The following LZTFL1 variants were observed in gnomAD, a reference collection of about 807,000 sequenced individuals.
LZTFL1 encodes the protein leucine zipper transcription factor-like protein 1.
LZTFL1 carries 25 observed loss-of-function variants against 45.9 expected under a neutral mutation model. The observed-to-expected ratio is 0.54, with a 90% CI of 0.40 to 0.76. LZTFL1 has a LOEUF of 0.76. Among genes scored for constraint, LZTFL1 ranks in the 30% least tolerant of loss-of-function variants. The pLI is 0.00. For missense variants in LZTFL1, 277 were observed against 331.1 expected (o/e 0.84, Z 1.27); for synonymous variants, 93 against 117.4 (o/e 0.79, Z 1.35).
In LZTFL1 at chr3:45,828,618, A is replaced by G. The variant is rs541997708; in HGVS notation, c.601-3T>C. 6.2e-7 allele frequency: 1 copy of G among 1,600,454 alleles called. No homozygotes were observed. The highest frequency in any genetic ancestry group is 1.1e-5 in the South Asian group (1 of 88,964). On this transcript the variant is annotated splice_region_variant and splice_polypyrimidine_tract_variant and intron_variant, in intron 7 of 9. Transcript: ENST00000296135. ...AAGTCTTGGGCCTTTATAAAATCCT[A>G]TGAAAAATAAATGCATGCATGTAAT...
chr3:45,894,881 T>G, intron 2 of LZTFL1: 1 of 1,593,750 alleles, frequency 6.3e-7, no homozygotes, highest in Non-Finnish European at 8.6e-7. Context: ...GCCAGTCCAC[T>G]TTTTGATTTT....
intron 2 of LZTFL1, among the ~76,000 whole-genome samples, chr3:45,909,472 G>A (rs761581836): frequency 9.9e-5 from 15 of 152,030 alleles, no homozygotes; most frequent in Non-Finnish European, 8.8e-5. Flanking sequence ...TGTTTCATCT[G>A]CTCCCTTCCT....
chr3:45,881,557 G>A (rs1162896458), intron 2 of LZTFL1, among the ~76,000 whole-genome samples: 2 of 151,940 alleles, frequency 1.3e-5, no homozygotes, highest in East Asian at 3.9e-4. Context: ...GACCTTCAAG[G>A]GCTATTCATG....
chr3:45,915,189 C>T (rs949100807), intron 1 of LZTFL1, among the ~76,000 whole-genome samples: 28 of 152,338 alleles, frequency 1.8e-4, no homozygotes, highest in Non-Finnish European at 3.5e-4. Flanking sequence ...ACACCGACAC[C>T]GTCATTTCTC....
chr3:45,862,224 T>C (rs1701502517), intron 2 of LZTFL1, among the ~76,000 whole-genome samples: 1 of 152,200 alleles, frequency 6.6e-6, no homozygotes. Context: ...TGCTCTTCCT[T>C]TGAAGAAACT....
Position 45,900,814 on chromosome 3 carries a change from C to T in LZTFL1, c.-215+12306G>A. On this transcript the variant is annotated intron_variant, in intron 2 of 4. Transcript: ENST00000472635. The surrounding 1 kb of genome is among the most constrained non-coding windows in gnomAD (Gnocchi z 4.7). Reference sequence around the variant, plus strand: ...CCATCTTGTGTCCCCTTGCAGAGCCCTATTCCTAACATGGCTGATGACTAT... The same window carrying T: ...CCATCTTGTGTCCCCTTGCAGAGCCTTATTCCTAACATGGCTGATGACTAT... The T allele has an allele frequency of 1.2e-6, 2 of 1,610,350 alleles. No individual in the cohort carries two copies. The highest frequency in any genetic ancestry group is 1.7e-6 in the Non-Finnish European group (2 of 1,177,438).
At chr3:45,860,597 A>T (rs1005205796) in intron 2 of LZTFL1, among the ~76,000 whole-genome samples, 1 of 152,136 alleles carries the variant, frequency 6.6e-6, no homozygotes, top group African/African-American at 2.4e-5. Context: ...AATTAATCTC[A>T]TTAATTTAGA....
At chr3:45,902,039 T>A in intron 2 of LZTFL1, 1 of 755,706 alleles carries the variant, frequency 1.3e-6, no homozygotes, top group Non-Finnish European at 2.1e-6. Flanking sequence ...TTACTTGTAG[T>A]CAGAATTTGC....
chr3:45,882,373 C>T (rs917033880), intron 2 of LZTFL1, among the ~76,000 whole-genome samples: 4 of 152,134 alleles, frequency 2.6e-5, no homozygotes, highest in South Asian at 2.1e-4. Context: ...CAAGATAAGG[C>T]GTTAATCAAT....
intron 7 of LZTFL1, 69 bp downstream of exon 7, chr3:45,830,844 A>T: frequency 7.3e-7 from 1 of 1,377,586 alleles, no homozygotes; most frequent in Non-Finnish European, 1.0e-6. Flanking sequence ...AGTAACTAAG[A>T]CTTAATTTTA....
Position 45,827,450 on chromosome 3 carries a change from T to C in LZTFL1, c.787A>G (p.Lys263Glu). ...TAAGCTGCTGTTTGCTGAAATTTCT[T>C]TTCTAATTCCTGCTTAGTAAAAAAT... The part of the protein sequence containing the change: ...QLHMAEKELE[K>E]KFQQTAAYRN... Residue 263 changes from lysine to glutamate, a missense_variant, in exon 9 of 10, where the codon AAG becomes GAG. Coordinates refer to ENST00000296135, the MANE Select transcript of LZTFL1 (RefSeq NM_020347.4). 6.2e-7 allele frequency: 1 copy of C among 1,608,718 alleles called. No homozygotes were observed. The highest frequency in any genetic ancestry group is 8.5e-7 in the Non-Finnish European group (1 of 1,175,206).
intron 2 of LZTFL1, among the ~76,000 whole-genome samples, chr3:45,898,047 C>T (rs1367029150): frequency 1.3e-5 from 2 of 150,524 alleles, no homozygotes; most frequent in African/African-American, 4.9e-5. Context: ...ACTTCAAAAG[C>T]AAGTTTAGCA....
chr3:45,911,012 C>T (rs866842290), intron 2 of LZTFL1, among the ~76,000 whole-genome samples: 8 of 152,110 alleles, frequency 5.3e-5, no homozygotes, highest in East Asian at 3.9e-4. Context: ...CCCCAGCACA[C>T]GGCAGCTTCA....
chr3:45,910,489 G>T (rs1337201247), intron 2 of LZTFL1, among the ~76,000 whole-genome samples: 2 of 152,184 alleles, frequency 1.3e-5, no homozygotes, highest in African/African-American at 2.4e-5. Context: ...CATGGGAAGA[G>T]CTGAGGTCAA....
At chr3:45,909,677 C>T (rs1702753701) in intron 2 of LZTFL1, among the ~76,000 whole-genome samples, 1 of 152,236 alleles carries the variant, frequency 6.6e-6, no homozygotes, top group Non-Finnish European at 1.5e-5. Context: ...GGCCACCACT[C>T]AACAAAGGAA....
intron 2 of LZTFL1, among the ~76,000 whole-genome samples, chr3:45,909,309 C>A (rs1371892965): frequency 6.6e-6 from 1 of 152,202 alleles, no homozygotes; most frequent in East Asian, 1.9e-4. Context: ...GAAAAACTGT[C>A]TTCCACAAAA....
chr3:45,906,065 C>T (rs1416094344), intron 2 of LZTFL1, among the ~76,000 whole-genome samples: 2 of 152,178 alleles, frequency 1.3e-5, no homozygotes, highest in Admixed American at 6.5e-5. Flanking sequence ...AGCTCAGTAC[C>T]TCCTAGAGAA....
Position 45,826,329 on chromosome 3 carries a change from A to T in LZTFL1, c.885T>A (p.Tyr295Ter). The T allele has an allele frequency of 6.2e-7, 1 of 1,611,244 alleles. No individual in the cohort carries two copies. The highest frequency in any genetic ancestry group is 8.5e-7 in the Non-Finnish European group (1 of 1,177,734). The change falls in exon 10 of 10, where the codon TAT becomes TAA. Residue 295 changes from tyrosine (Y) to a stop codon, truncating the protein, a stop_gained. Coordinates refer to ENST00000296135, the MANE Select transcript of LZTFL1 (RefSeq NM_020347.4). LOFTEE classifies it high-confidence loss of function. Reference protein sequence around the residue: ...IKDLRKRLAQYEPED With the variant: ...IKDLRKRLAQ ...ATCTTCAGTTTTAATCTTCAGGTTC[A>T]TATCTGGAGATATAAATTAAGAACA...
intron 2 of LZTFL1, among the ~76,000 whole-genome samples, chr3:45,898,890 G>A (rs919126338): frequency 4.6e-5 from 7 of 152,190 alleles, no homozygotes; most frequent in Non-Finnish European, 8.8e-5. Flanking sequence ...GTTCTGGGCC[G>A]GGCATGGTGG....
Sources: allele counts gnomAD v4.1 joint callset (sites outside exome capture counted in the v4.1 genomes callset), GRCh38; gene constraint gnomAD v4.1.1; non-coding constraint Gnocchi (gnomAD v3.1); transcripts MANE v1.5; gene names NCBI Gene and HGNC (gene_info 2026-07-23, HGNC 2026-07-21).